The following CREB3L2 variants were observed in gnomAD, a reference collection of about 807,000 sequenced individuals.
CREB3L2 encodes cAMP responsive element binding protein 3 like 2.
CREB3L2 carries 23 observed loss-of-function variants against 57.2 expected under a neutral mutation model. The observed-to-expected ratio is 0.40, with a 90% confidence interval of 0.29 to 0.57. CREB3L2 has a LOEUF of 0.57. Ranked by LOEUF, CREB3L2 falls within the 20% of genes least tolerant of loss-of-function variation. CREB3L2 has a pLI of 0.42. For synonymous variants in CREB3L2, 268 were observed against 265.1 expected, an observed-to-expected ratio of 1.01 and a Z score of -0.11; for missense variants, 628 against 634.7, an observed-to-expected ratio of 0.99 and a Z score of 0.11.
intron 8 of CREB3L2, among the ~76,000 whole-genome samples, chr7:137,886,062 C>G (rs1421016073): frequency 6.6e-6 from 1 of 152,112 alleles, no homozygotes; most frequent in Non-Finnish European, 1.5e-5. Context: ...AGAAAGCAGG[C>G]CCTCGCCCAA....
chr7:137,964,265 A>G (rs9986783), intron 1 of CREB3L2, among the ~76,000 whole-genome samples: 17,296 of 152,228 alleles, frequency 0.11, 2,272 homozygotes, highest in African/African-American at 0.32. Flanking sequence ...GCAATGAGCC[A>G]AGATCATGTC....
At chr7:137,975,121 A>G (rs919547536) in intron 1 of CREB3L2, among the ~76,000 whole-genome samples, 3 of 152,228 alleles carry the variant, frequency 2.0e-5, no homozygotes, top group Non-Finnish European at 2.9e-5. Flanking sequence ...AAAGCATTAT[A>G]AAAATATTAG....
chr7:137,956,670 T>A (rs1217854407), intron 1 of CREB3L2: 53 of 1,271,452 alleles, frequency 4.2e-5, no homozygotes, highest in Non-Finnish European at 5.2e-5. Context: ...AACAGCACAA[T>A]TTAACAATGA....
chr7:137,915,606 G>A (rs2117219211), intron 3 of CREB3L2, among the ~76,000 whole-genome samples: 1 of 152,256 alleles, frequency 6.6e-6, no homozygotes, highest in East Asian at 1.9e-4. Context: ...AAAAGAGAAT[G>A]AAATCAGCTT....
At chr7:137,906,098 T>G (rs1799887893) in intron 5 of CREB3L2, among the ~76,000 whole-genome samples, 1 of 152,076 alleles carries the variant, frequency 6.6e-6, no homozygotes, top group Non-Finnish European at 1.5e-5. Context: ...CCTCCACCCA[T>G]TATTTCCCGG....
intron 8 of CREB3L2, among the ~76,000 whole-genome samples, chr7:137,892,604 C>G (rs563978543): frequency 1.3e-5 from 2 of 152,216 alleles, no homozygotes; most frequent in East Asian, 3.9e-4. Context: ...GGGCCGAGAT[C>G]ACGCCACTGC....
At position 137,879,168 on chromosome 7, in the gene CREB3L2, T is replaced by TA. The variant is rs532139233; in HGVS notation, c.*1307dup. 0.16 allele frequency: 55,489 copies of TA among 350,302 alleles called. 1,727 individuals are homozygous for TA. The highest frequency in any genetic ancestry group is 0.29 in the African/African-American group (13,661 of 47,508). The allele number at this position is 350,302 out of a possible 1,614,324, so 21.7% of individuals were successfully genotyped here. The stretch of plus-strand genomic sequence containing the variant: ...AAACTACAAAAGTTACTTTTAACCA[T>TA]AAAAAAAAAACAAAAAAACTAAAAG... On this transcript the variant is annotated 3_prime_UTR_variant, in exon 12 of 12. Transcript: ENST00000330387.
At chr7:137,998,393 TG>T (rs1322742858) in intron 1 of CREB3L2, among the ~76,000 whole-genome samples, 1 of 152,352 alleles carries the variant, frequency 6.6e-6, no homozygotes, top group East Asian at 1.9e-4. Context: ...GAAGGTTTGG[TG>T]GCTGCCACTG....
At chr7:137,925,468 A>G (rs1039515714) in intron 2 of CREB3L2, among the ~76,000 whole-genome samples, 21 of 152,184 alleles carry the variant, frequency 1.4e-4, no homozygotes, top group Non-Finnish European at 2.8e-4. Flanking sequence ...AAGAATATAA[A>G]ATGTAATGTA....
chr7:137,956,324 A>G (rs529546997), intron 1 of CREB3L2, among the ~76,000 whole-genome samples: 58 of 152,228 alleles, frequency 3.8e-4, no homozygotes, highest in Non-Finnish European at 5.6e-4. Flanking sequence ...TGTTTAGTCA[A>G]TTTACTTTAG....
In CREB3L2 at chr7:137,985,141, A is replaced by G. The variant is rs115744670; in HGVS notation, c.102+16463T>C. Among the ~76,000 whole-genome samples, 685 of 152,346 alleles carry G rather than the reference A, an allele frequency of 4.5e-3. 4 individuals carry two copies. The highest frequency in any genetic ancestry group is 0.016 in the African/African-American group (646 of 41,578). ...ACCTACTGCAATTGCCAAAGCAATAATAAGACATTATGGAAAGGGGGAAGG... is the reference window on the plus strand; with the variant it reads ...ACCTACTGCAATTGCCAAAGCAATAGTAAGACATTATGGAAAGGGGGAAGG... On this transcript the variant is annotated intron_variant, in intron 1 of 11. Coordinates refer to ENST00000330387, the MANE Select transcript of CREB3L2 (RefSeq NM_194071.4).
At chr7:137,998,638 T>C (rs1802028806) in intron 1 of CREB3L2, among the ~76,000 whole-genome samples, 1 of 152,222 alleles carries the variant, frequency 6.6e-6, no homozygotes, top group Admixed American at 6.5e-5. Flanking sequence ...ATTTTTCTTA[T>C]ATGTAAAATA....
intron 1 of CREB3L2, among the ~76,000 whole-genome samples, chr7:137,990,209 T>A (rs1801868183): frequency 6.6e-6 from 1 of 152,188 alleles, no homozygotes; most frequent in Non-Finnish European, 1.5e-5. Context: ...TGACTTGGGA[T>A]TCCCAGGATC....
At chr7:137,892,751 C>G (rs947352503) in intron 8 of CREB3L2, among the ~76,000 whole-genome samples, 2 of 152,140 alleles carry the variant, frequency 1.3e-5, no homozygotes, top group African/African-American at 4.8e-5. Flanking sequence ...CTTCCCACCC[C>G]ACCCGAGTCA....
chr7:137,966,213 T>C (rs1477286920), intron 1 of CREB3L2, among the ~76,000 whole-genome samples: 1 of 152,130 alleles, frequency 6.6e-6, no homozygotes. Flanking sequence ...AGTGGAAAAA[T>C]AAGGGCTAGT....
At chr7:137,929,157 T>A (rs1800551073) in intron 1 of CREB3L2, among the ~76,000 whole-genome samples, 1 of 152,142 alleles carries the variant, frequency 6.6e-6, no homozygotes, top group Non-Finnish European at 1.5e-5. Flanking sequence ...CCATGAACTT[T>A]CCAGCCCCCA....
At chr7:137,952,775 T>C (rs147080428) in intron 1 of CREB3L2, among the ~76,000 whole-genome samples, 1 of 152,342 alleles carries the variant, frequency 6.6e-6, no homozygotes, top group East Asian at 1.9e-4. Flanking sequence ...TTTACCTATC[T>C]ATCCTACTCC....
chr7:137,943,467 T>C (rs1800911668), intron 1 of CREB3L2, among the ~76,000 whole-genome samples: 1 of 152,042 alleles, frequency 6.6e-6, no homozygotes, highest in African/African-American at 2.4e-5. Context: ...ATGACTCAAC[T>C]TGTGGAGGCC....
chr7:137,893,818 T>C (rs566318702), intron 8 of CREB3L2, among the ~76,000 whole-genome samples: 2 of 152,332 alleles, frequency 1.3e-5, no homozygotes, highest in African/African-American at 4.8e-5. Flanking sequence ...GTCCCTTAAT[T>C]CTGTGAGGTC....
Sources: allele counts gnomAD v4.1 joint callset (sites outside exome capture counted in the v4.1 genomes callset), GRCh38; gene constraint gnomAD v4.1.1; transcripts MANE v1.5; gene names NCBI Gene and HGNC (gene_info 2026-07-23, HGNC 2026-07-21).